Variants in MNT observed in about 807,000 individuals in gnomAD.
MNT encodes max-binding protein MNT.
In MNT, 13 loss-of-function variants were observed where a neutral mutation model predicts 40.7. That is an observed-to-expected ratio of 0.32 (90% confidence interval 0.21 to 0.51). MNT has a LOEUF of 0.51. Among genes scored for constraint, MNT ranks in the 20% least tolerant of loss-of-function variants. The pLI is 0.98. For synonymous variants in MNT, 426 were observed against 354.8 expected, an observed-to-expected ratio of 1.20 and a Z score of -2.26; for missense variants, 757 against 792.0, an observed-to-expected ratio of 0.96 and a Z score of 0.53.
intron 1 of MNT, among the ~76,000 whole-genome samples, chr17:2,399,681 G>A (rs575854554): frequency 1.2e-4 from 19 of 152,234 alleles, no homozygotes; most frequent in African/African-American, 3.6e-4. Context: ...GCGCGAGGCG[G>A]TGAGGAGGGG....
At chr17:2,398,912 A>G (rs1597423104) in intron 1 of MNT, among the ~76,000 whole-genome samples, 1 of 152,052 alleles carries the variant, frequency 6.6e-6, no homozygotes, top group Non-Finnish European at 1.5e-5. Context: ...TGAGCCTCAC[A>G]TATCTCCAGT....
chr17:2,394,805 T>C, intron 2 of MNT, 70 bp downstream of exon 2: 1 of 1,188,728 alleles, frequency 8.4e-7, no homozygotes, highest in Non-Finnish European at 1.2e-6. Context: ...GCACCTTGTC[T>C]TGCACACAGC....
intron 4 of MNT, among the ~76,000 whole-genome samples, chr17:2,393,556 T>C (rs62067050): frequency 0.091 from 13,807 of 152,080 alleles, 805 homozygotes; most frequent in African/African-American, 0.16. Flanking sequence ...CCTTCCTCCT[T>C]TGGGGTAAAC....
At chr17:2,399,307 A>T (rs2066598327) in intron 1 of MNT, among the ~76,000 whole-genome samples, 2 of 152,034 alleles carry the variant, frequency 1.3e-5, no homozygotes, top group Admixed American at 1.3e-4. Flanking sequence ...GACCACCAAC[A>T]GGGCGCGTGA....
At chr17:2,397,607 C>T (rs1206371498) in intron 1 of MNT, among the ~76,000 whole-genome samples, 1 of 152,150 alleles carries the variant, frequency 6.6e-6, no homozygotes, top group African/African-American at 2.4e-5. Context: ...CCCTCTCTCA[C>T]CCAGAACCAC....
intron 1 of MNT, among the ~76,000 whole-genome samples, chr17:2,397,243 C>T (rs1270565565): frequency 1.3e-5 from 2 of 152,134 alleles, no homozygotes; most frequent in African/African-American, 2.4e-5. Flanking sequence ...ACCAGCCCTG[C>T]GCTCCCGCTT....
chr17:2,387,732 G>A, intron 5 of MNT, 83 bp from the exon 6 acceptor site: 4 of 1,572,826 alleles, frequency 2.5e-6, no homozygotes, highest in East Asian at 4.5e-5. Flanking sequence ...GGGGGCGTGG[G>A]AATGTGATGG....
At chr17:2,389,721 C>G (rs1054592818) in intron 4 of MNT, 1 of 152,384 alleles carries the variant, frequency 6.6e-6, no homozygotes, top group Non-Finnish European at 1.5e-5. Context: ...GGAGGAGGAA[C>G]CATAGGCCTG....
At chr17:2,388,216 C>T (rs1448878287) in intron 4 of MNT, 167 bp from the exon 5 acceptor site, 1 of 625,070 alleles carries the variant, frequency 1.6e-6, no homozygotes, top group African/African-American at 1.9e-5. Context: ...TGGTCCATGC[C>T]CCTGCCCAGT....
Position 2,387,842 on chromosome 17 carries a change from G to C in MNT, c.1000+15C>G. The stretch of plus-strand genomic sequence containing the variant: ...ATCTGAGGGCTGGGGGGCCAGCGTG[G>C]GGGCTGGGGCTCACCAGAGGCGGTG... On this transcript the variant is annotated intron_variant, in intron 5 of 5. Coordinates refer to ENST00000174618, the MANE Select transcript of MNT (RefSeq NM_020310.3). 2 of 1,584,324 alleles carry C rather than the reference G, an allele frequency of 1.3e-6. No individual in the cohort carries two copies. The highest frequency in any genetic ancestry group is 1.7e-6 in the Non-Finnish European group (2 of 1,169,794).
chr17:2,393,201 C>T (rs1480807679), intron 4 of MNT, among the ~76,000 whole-genome samples: 2 of 151,444 alleles, frequency 1.3e-5, no homozygotes, highest in African/African-American at 4.8e-5. Flanking sequence ...TCCGCGTCTC[C>T]GCGGCTGCCG....
At chr17:2,393,882 C>T (rs1032368277) in intron 4 of MNT, 161 bp downstream of exon 4, 2 of 376,152 alleles carry the variant, frequency 5.3e-6, no homozygotes, top group Non-Finnish European at 9.1e-6. Flanking sequence ...CAGGGAGCCC[C>T]GCTGACGTCA....
rs555980679 is a variant in MNT, at chr17:2,384,753, C to T, written c.*2148G>A. Reference sequence around the variant, plus strand: ...TGGGTGGTGACTGCCCACTTGGGCACACAGCATCACAGCGTTCACAAACGA... The same window carrying T: ...TGGGTGGTGACTGCCCACTTGGGCATACAGCATCACAGCGTTCACAAACGA... On this transcript the variant is annotated 3_prime_UTR_variant, in exon 6 of 6. Transcript: ENST00000174618. The T allele has an allele frequency of 6.5e-6, 1 of 152,738 alleles. No individual in the cohort carries two copies. The highest frequency in any genetic ancestry group is 3.4e-3 in the Middle Eastern group (1 of 294). 9.5% of individuals were successfully genotyped at this position (152,738 alleles called of 1,614,324 possible). A position where few individuals can be genotyped will look rare whatever the true frequency, so the allele number is the denominator to read the frequency against.
chr17:2,397,968 G>A (rs1360342426), intron 1 of MNT, among the ~76,000 whole-genome samples: 4 of 152,198 alleles, frequency 2.6e-5, no homozygotes, highest in Non-Finnish European at 5.9e-5. Context: ...CAAGGCTTCC[G>A]CCCACAGTCA....
At position 2,387,664 on chromosome 17, in the gene MNT, G is replaced by C. The variant is rs764872356; in HGVS notation, c.1001-15C>G. On this transcript the variant is annotated splice_polypyrimidine_tract_variant and intron_variant, in intron 5 of 5. Coordinates refer to ENST00000174618, the MANE Select transcript of MNT (RefSeq NM_020310.3). ...GTCCTCACCCTCTGTGGGGAACATG[G>C]GGCAGGGAGCAGGTCAGAAGGGCGG... 1 of 1,613,776 alleles carries C rather than the reference G, an allele frequency of 6.2e-7. No homozygotes were observed. The highest frequency in any genetic ancestry group is 1.7e-4 in the Middle Eastern group (1 of 6,060).
At position 2,385,278 on chromosome 17, in the gene MNT, CTG is replaced by C. The variant is rs2066448515; in HGVS notation, c.*1621_*1622del. 1 of 152,346 alleles carries C rather than the reference CTG, an allele frequency of 6.6e-6. No individual in the cohort carries two copies. Among genetic ancestry groups the C allele is most frequent in the Non-Finnish European group, 1.5e-5 (1 of 68,116 alleles). The allele number at this position is 152,346 out of a possible 1,614,324, so 9.4% of individuals were successfully genotyped here. On this transcript the variant is annotated 3_prime_UTR_variant, in exon 6 of 6. Coordinates refer to ENST00000174618, the MANE Select transcript of MNT (RefSeq NM_020310.3). ...TATTCAAGACCTTTGCTGACCTCCT[CTG>C]TGCCTGCAGGGCACTCCAGGAAATC... is the stretch of plus-strand genomic sequence containing the variant.
rs983702392 is a variant in MNT, at chr17:2,388,315, C to T, written c.808-266G>A. The stretch of plus-strand genomic sequence containing the variant: ...GGTGTGCAGGTCCTTCCCTGTCCTC[C>T]ACAATTCATCCTCAGGGGCTTCTCC... On this transcript the variant is annotated intron_variant, in intron 4 of 5. Coordinates refer to ENST00000174618, the MANE Select transcript of MNT (RefSeq NM_020310.3). The T allele has an allele frequency of 1.1e-5, 5 of 444,368 alleles. No individual in the cohort carries two copies. In the Admixed American group the frequency reaches 2.0e-4, roughly 18 times the overall value. 27.5% of individuals were successfully genotyped at this position (444,368 alleles called of 1,614,324 possible). A position where few individuals can be genotyped will look rare whatever the true frequency, so the allele number is the denominator to read the frequency against.
At chr17:2,389,953 A>G (rs2066499646) in intron 4 of MNT, 1 of 141,410 alleles carries the variant, frequency 7.1e-6, no homozygotes, top group Non-Finnish European at 1.5e-5. Flanking sequence ...TTTCTGTCTC[A>G]AAAAAAAAAA....
At chr17:2,388,357 C>T (rs1430748158) in intron 4 of MNT, 1 of 358,166 alleles carries the variant, frequency 2.8e-6, no homozygotes, top group Non-Finnish European at 5.1e-6. Flanking sequence ...CGCCCCATCC[C>T]TCCTCCAGCA....
Sources: allele counts gnomAD v4.1 joint callset (sites outside exome capture counted in the v4.1 genomes callset), GRCh38; gene constraint gnomAD v4.1.1; transcripts MANE v1.5; gene names NCBI Gene and HGNC (gene_info 2026-07-23, HGNC 2026-07-21).